The following CSMD3 variants were observed in gnomAD, a reference collection of about 807,000 sequenced individuals.
CSMD3 encodes CUB and sushi domain-containing protein 3.
In CSMD3, 177 loss-of-function variants were observed where a neutral mutation model predicts 435.2. The ratio of observed to expected loss-of-function variants is 0.41; its 90% CI spans 0.36 to 0.46. The LOEUF (loss-of-function observed/expected upper bound fraction) is 0.46, where lower values mean the gene tolerates loss of function less well. CSMD3 is among the 20% of genes least tolerant of loss of function. The pLI is 0.34. For missense variants in CSMD3, 4,265 were observed against 4,504.6 expected (o/e 0.95, Z 1.52); for synonymous variants, 1,656 against 1,520.5 (o/e 1.09, Z -2.07).
intron 4 of CSMD3, among the ~76,000 whole-genome samples, chr8:113,169,618 T>C (rs558670601): frequency 2.6e-5 from 4 of 152,326 alleles, no homozygotes; most frequent in African/African-American, 9.6e-5. Context: ...TAAATCTTAA[T>C]ATGTTAACTC....
chr8:113,090,197 T>A (rs2089955958), intron 5 of CSMD3, among the ~76,000 whole-genome samples: 1 of 152,070 alleles, frequency 6.6e-6, no homozygotes. Flanking sequence ...ATTTACTAGA[T>A]AAGAGAAATT....
chr8:112,811,834 G>T (rs2079236494), intron 12 of CSMD3, among the ~76,000 whole-genome samples: 1 of 152,118 alleles, frequency 6.6e-6, no homozygotes, highest in African/African-American at 2.4e-5. Context: ...ATGTCTCACT[G>T]AAAACCCTGC....
intron 5 of CSMD3, among the ~76,000 whole-genome samples, chr8:113,056,135 C>CA: frequency 6.6e-6 from 1 of 152,308 alleles, no homozygotes; most frequent in Non-Finnish European, 1.5e-5. Flanking sequence ...GATGCACCCC[C>CA]ACTCTGATGA....
intron 13 of CSMD3, among the ~76,000 whole-genome samples, chr8:112,703,871 C>T (rs2076442628): frequency 6.6e-6 from 1 of 151,832 alleles, no homozygotes; most frequent in Non-Finnish European, 1.5e-5. Context: ...CTATAACTGC[C>T]CACAGAAAGT....
At chr8:112,877,220 G>A (rs760669887) in intron 10 of CSMD3, among the ~76,000 whole-genome samples, 11 of 151,744 alleles carry the variant, frequency 7.2e-5, no homozygotes, top group Non-Finnish European at 1.3e-4. Context: ...TCCCCATCAA[G>A]CTACCATTGA....
chr8:112,932,897 C>A (rs564418624), intron 9 of CSMD3, among the ~76,000 whole-genome samples: 4 of 152,040 alleles, frequency 2.6e-5, no homozygotes, highest in Non-Finnish European at 5.9e-5. Flanking sequence ...TCCAAAATAC[C>A]CTGATTTGAT....
intron 4 of CSMD3, among the ~76,000 whole-genome samples, chr8:113,150,569 C>T (rs145186632): frequency 1.4e-4 from 21 of 152,028 alleles, no homozygotes; most frequent in Non-Finnish European, 2.2e-4. Flanking sequence ...CTAACCCATG[C>T]GCATATTCCT....
intron 45 of CSMD3, among the ~76,000 whole-genome samples, chr8:112,324,437 C>T (rs553086377): frequency 1.3e-5 from 2 of 152,156 alleles, no homozygotes; most frequent in African/African-American, 4.8e-5. Context: ...CTCCTATGAT[C>T]TGCCAGATGC....
chr8:112,332,236 T>C (rs1824135466), intron 45 of CSMD3, among the ~76,000 whole-genome samples: 1 of 152,090 alleles, frequency 6.6e-6, no homozygotes, highest in Non-Finnish European at 1.5e-5. Context: ...TTTCAAAAGT[T>C]TGGTAAAAAG....
intron 13 of CSMD3, among the ~76,000 whole-genome samples, chr8:112,796,391 G>T (rs1457605555): frequency 6.6e-6 from 1 of 151,978 alleles, no homozygotes; most frequent in East Asian, 1.9e-4. Context: ...TATCATCATG[G>T]TGCTTAAATC....
intron 58 of CSMD3, 127 bp downstream of exon 58, chr8:112,286,937 C>A: frequency 1.3e-6 from 1 of 790,230 alleles, no homozygotes; most frequent in Non-Finnish European, 2.2e-6. Flanking sequence ...GGGAATACGA[C>A]TGTTTTATTT....
intron 10 of CSMD3, among the ~76,000 whole-genome samples, chr8:112,888,715 A>C (rs2081686482): frequency 6.6e-6 from 1 of 151,704 alleles, no homozygotes; most frequent in Non-Finnish European, 1.5e-5. Context: ...GACTCATAAA[A>C]TATGAGCACT....
intron 3 of CSMD3, among the ~76,000 whole-genome samples, chr8:113,214,170 T>A (rs1269129596): frequency 1.3e-5 from 2 of 152,136 alleles, no homozygotes; most frequent in Non-Finnish European, 2.9e-5. Context: ...CTTGGGGGAT[T>A]CTTTTCTGTT....
intron 27 of CSMD3, among the ~76,000 whole-genome samples, chr8:112,547,760 AAAG>A (rs1012097812): frequency 3.3e-5 from 5 of 152,298 alleles, no homozygotes; most frequent in South Asian, 2.1e-4. Flanking sequence ...ACTAAAGAAA[AAAG>A]AAGGTTTGGT....
rs187125971 is a variant in CSMD3 at position 112,900,051 on chromosome 8, T to C, written c.1633+21576A>G. Among the ~76,000 whole-genome samples the C allele has an allele frequency of 2.6e-5, 4 of 151,280 alleles. No individual in the cohort carries two copies. In the East Asian group the frequency reaches 7.9e-4, roughly 30 times the overall value. ...TCTGACTTGCTACAAGTGGACACATTTTTTCCAATCATTCTATTAGTAACA... is the reference window on the plus strand; with the variant it reads ...TCTGACTTGCTACAAGTGGACACATCTTTTCCAATCATTCTATTAGTAACA... On this transcript the variant is annotated intron_variant, in intron 10 of 70. Coordinates refer to ENST00000297405, the MANE Select transcript of CSMD3 (RefSeq NM_198123.2).
At chr8:112,995,160 A>G (rs2085599649) in intron 6 of CSMD3, among the ~76,000 whole-genome samples, 1 of 151,516 alleles carries the variant, frequency 6.6e-6, no homozygotes, top group African/African-American at 2.4e-5. Context: ...CAATTAAGAG[A>G]AGAATGGGAA....
intron 1 of CSMD3, among the ~76,000 whole-genome samples, chr8:113,324,713 G>A (rs2093972023): frequency 6.6e-6 from 1 of 152,168 alleles, no homozygotes; most frequent in Non-Finnish European, 1.5e-5. Flanking sequence ...CTGTGAGAGA[G>A]GGCCACCATC....
intron 22 of CSMD3, among the ~76,000 whole-genome samples, chr8:112,607,141 T>A (rs1251247593): frequency 2.0e-5 from 3 of 151,480 alleles, no homozygotes; most frequent in Non-Finnish European, 4.4e-5. Context: ...TCAGCTATAC[T>A]AAAGAAAAAA....
intron 5 of CSMD3, among the ~76,000 whole-genome samples, chr8:113,039,456 A>T (rs2087506792): frequency 6.6e-6 from 1 of 152,190 alleles, no homozygotes; most frequent in Non-Finnish European, 1.5e-5. Flanking sequence ...CACAACAGAC[A>T]CAATTTACAT....
Sources: allele counts gnomAD v4.1 joint callset (sites outside exome capture counted in the v4.1 genomes callset), GRCh38; gene constraint gnomAD v4.1.1; transcripts MANE v1.5; gene names NCBI Gene and HGNC (gene_info 2026-07-23, HGNC 2026-07-21).